Variants in RFX3 observed in about 807,000 individuals in gnomAD.
The protein encoded by RFX3 is transcription factor RFX3.
Under a neutral mutation model 98.6 loss-of-function variants are expected in RFX3, and 14 were observed. The observed-to-expected ratio is 0.14, with a 90% confidence interval of 0.09 to 0.22. The LOEUF (loss-of-function observed/expected upper bound fraction) is 0.22, where lower values mean the gene tolerates loss of function less well. Ranked by LOEUF, RFX3 falls within the 10% of genes least tolerant of loss-of-function variation. The probability of loss-of-function intolerance (pLI) is 1.00; values close to 1 mark genes in which losing one functional copy is unlikely to be tolerated. For missense variants in RFX3, 639 were observed against 926.9 expected, an observed-to-expected ratio of 0.69 and a Z score of 4.03; for synonymous variants, 383 against 328.4, an observed-to-expected ratio of 1.17 and a Z score of -1.80.
chr9:3,426,334 T>G (rs1023639706), intron 1 of RFX3, among the ~76,000 whole-genome samples: 1 of 152,150 alleles, frequency 6.6e-6, no homozygotes, highest in Non-Finnish European at 1.5e-5. Flanking sequence ...TCTTTTTTTT[T>G]TTTTTGTATT....
intron 1 of RFX3, among the ~76,000 whole-genome samples, chr9:3,524,137 T>C (rs1321057083): frequency 1.3e-5 from 2 of 152,188 alleles, no homozygotes; most frequent in East Asian, 1.9e-4. Flanking sequence ...AACTTCAATA[T>C]GTGCAACTAC....
chr9:3,252,502 G>A (rs1209973477), intron 14 of RFX3, among the ~76,000 whole-genome samples: 3 of 152,166 alleles, frequency 2.0e-5, no homozygotes, highest in Non-Finnish European at 4.4e-5. Flanking sequence ...GTGAGGAAAC[G>A]AACACAGGTG....
rs186982299 is a variant in RFX3 at position 3,524,786 on chromosome 9, C to T, written c.-9+961G>A. On this transcript the variant is annotated intron_variant, in intron 1 of 16. Coordinates refer to ENST00000617270, the MANE Select transcript of RFX3 (RefSeq NM_001282116.2). ...ATAAAGCACTGTCAATAACTACTAA[C>T]CCAAGTATCACAGATGCCCTGCATC... The T allele has an allele frequency of 4.7e-3, 785 of 166,320 alleles. 9 individuals carry two copies. The highest frequency in any genetic ancestry group is 7.2e-3 in the Admixed American group (109 of 15,102). The allele number at this position is 166,320 out of a possible 1,614,324, so 10.3% of individuals were successfully genotyped here. A position where few individuals can be genotyped will look rare whatever the true frequency, so the allele number is the denominator to read the frequency against.
chr9:3,485,602 A>G (rs752065817), intron 1 of RFX3, among the ~76,000 whole-genome samples: 22 of 152,146 alleles, frequency 1.4e-4, no homozygotes, highest in Non-Finnish European at 3.1e-4. Flanking sequence ...CGGAATTTGT[A>G]ATCTCTCTCA....
chr9:3,490,006 A>T (rs1453590847), intron 1 of RFX3, among the ~76,000 whole-genome samples: 3 of 152,218 alleles, frequency 2.0e-5, no homozygotes, highest in African/African-American at 7.2e-5. Flanking sequence ...ACCGAAAGCT[A>T]GGTTAACTGA....
intron 1 of RFX3, chr9:3,490,191 G>T (rs889833775): frequency 4.6e-5 from 16 of 348,928 alleles, no homozygotes; most frequent in African/African-American, 3.1e-4. Flanking sequence ...AAAAAATTCA[G>T]ACATGAGACT....
intron 12 of RFX3, 122 bp from the exon 13 acceptor site, chr9:3,263,206 T>C (rs111641982): frequency 2.0e-6 from 2 of 1,010,508 alleles, no homozygotes; most frequent in South Asian, 3.2e-5. Flanking sequence ...TATTTAAAAT[T>C]CATTTGGTGA....
chr9:3,308,385 G>A (rs1366137757), intron 4 of RFX3, among the ~76,000 whole-genome samples: 1 of 152,146 alleles, frequency 6.6e-6, no homozygotes, highest in Non-Finnish European at 1.5e-5. Flanking sequence ...GATGAAGAGG[G>A]GGATTCAGCA....
Position 3,439,304 on chromosome 9 carries a change from G to C in RFX3, c.-8-43708C>G, listed in dbSNP as rs554056634. Among the ~76,000 whole-genome samples the C allele has an allele frequency of 2.6e-5, 4 of 151,948 alleles. No homozygotes were observed. The South Asian group carries it at 6.2e-4, about 24-fold the overall frequency. On this transcript the variant is annotated intron_variant, in intron 1 of 16. Coordinates refer to ENST00000617270, the MANE Select transcript of RFX3 (RefSeq NM_001282116.2). The stretch of plus-strand genomic sequence containing the variant: ...AATCAAGCCTCAAGTAATGAGAAGA[G>C]AGAAAGTAAGGATCATGGTCAAATT...
intron 1 of RFX3, among the ~76,000 whole-genome samples, chr9:3,457,800 T>C (rs999278045): frequency 1.3e-5 from 2 of 152,102 alleles, no homozygotes; most frequent in Non-Finnish European, 2.9e-5. Context: ...GATTGCCATC[T>C]ATATGCAATT....
intron 1 of RFX3, among the ~76,000 whole-genome samples, chr9:3,498,248 T>G (rs1028990969): frequency 2.6e-5 from 4 of 152,040 alleles, no homozygotes; most frequent in Non-Finnish European, 4.4e-5. Context: ...CTGTAAAGGA[T>G]TATATATTTT....
intron 1 of RFX3, among the ~76,000 whole-genome samples, chr9:3,476,005 C>T (rs1849214967): frequency 6.6e-6 from 1 of 152,178 alleles, no homozygotes; most frequent in African/African-American, 2.4e-5. Flanking sequence ...CCTGTCCAGG[C>T]ATGACAGACG....
chr9:3,261,366 C>T (rs1173358199), intron 13 of RFX3, among the ~76,000 whole-genome samples: 1 of 152,052 alleles, frequency 6.6e-6, no homozygotes, highest in Non-Finnish European at 1.5e-5. Context: ...TGTATCTATT[C>T]TGGAATTTCA....
At chr9:3,276,399 C>T (rs918730170) in intron 8 of RFX3, among the ~76,000 whole-genome samples, 5 of 152,034 alleles carry the variant, frequency 3.3e-5, no homozygotes, top group African/African-American at 1.2e-4. Context: ...GCCTGTCTTA[C>T]CATAAATCCA....
chr9:3,226,942 T>C (rs888568661), intron 16 of RFX3, among the ~76,000 whole-genome samples: 1 of 152,164 alleles, frequency 6.6e-6, no homozygotes, highest in Admixed American at 6.5e-5. Context: ...CCTTATATTA[T>C]CAAGAATAAG....
At chr9:3,441,043 T>C (rs1382306675) in intron 1 of RFX3, among the ~76,000 whole-genome samples, 1 of 152,180 alleles carries the variant, frequency 6.6e-6, no homozygotes, top group Non-Finnish European at 1.5e-5. Context: ...AAATGAACTT[T>C]GGTCCACAGC....
At chr9:3,493,991 C>T (rs1467174800) in intron 1 of RFX3, among the ~76,000 whole-genome samples, 6 of 151,990 alleles carry the variant, frequency 3.9e-5, no homozygotes, top group Non-Finnish European at 7.4e-5. Flanking sequence ...GCCCATAACC[C>T]TTTTTCTTTC....
chr9:3,456,795 T>C (rs193237223), intron 1 of RFX3, among the ~76,000 whole-genome samples: 1 of 152,224 alleles, frequency 6.6e-6, no homozygotes, highest in Non-Finnish European at 1.5e-5. Flanking sequence ...AGGAAGCCCA[T>C]GTGGTCCCTA....
chr9:3,433,989 T>C (rs184734318), intron 1 of RFX3, among the ~76,000 whole-genome samples: 2 of 152,286 alleles, frequency 1.3e-5, no homozygotes, highest in South Asian at 2.1e-4. Flanking sequence ...TGCCAAACCC[T>C]GCTCTAGAAC....
Sources: allele counts gnomAD v4.1 joint callset (sites outside exome capture counted in the v4.1 genomes callset), GRCh38; gene constraint gnomAD v4.1.1; transcripts MANE v1.5; gene names NCBI Gene and HGNC (gene_info 2026-07-23, HGNC 2026-07-21).